Variants in EPHB2 observed in about 807,000 individuals in gnomAD.
EPHB2 encodes the protein EPH receptor B2.
In EPHB2, 18 loss-of-function variants were observed where a neutral mutation model predicts 96.4. That is an observed-to-expected ratio of 0.19 (90% CI 0.13 to 0.28). The LOEUF is 0.28. Among genes scored for constraint, EPHB2 ranks in the 10% least tolerant of loss-of-function variants. EPHB2 has a pLI of 1.00. For missense variants in EPHB2, 989 were observed against 1,355.4 expected, an observed-to-expected ratio of 0.73 and a Z score of 4.25; for synonymous variants, 506 against 534.1, an observed-to-expected ratio of 0.95 and a Z score of 0.72.
intron 1 of EPHB2, among the ~76,000 whole-genome samples, chr1:22,780,654 G>A (rs1644516154): frequency 6.6e-6 from 1 of 152,216 alleles, no homozygotes; most frequent in Admixed American, 6.5e-5. Flanking sequence ...AAGCTGAAAA[G>A]CAAACAGATC....
At chr1:22,810,528 A>G (rs1183907742) in intron 3 of EPHB2, among the ~76,000 whole-genome samples, 5 of 152,210 alleles carry the variant, frequency 3.3e-5, no homozygotes, top group African/African-American at 7.2e-5. Flanking sequence ...CAAAGAAGGC[A>G]CTAAACCAGA....
chr1:22,731,129 A>G (rs1278371858), intron 1 of EPHB2, among the ~76,000 whole-genome samples: 1 of 152,186 alleles, frequency 6.6e-6, no homozygotes, highest in African/African-American at 2.4e-5. Context: ...TTTGGCATGG[A>G]AACATATGTC....
chr1:22,743,552 C>A (rs1643929618), intron 1 of EPHB2, among the ~76,000 whole-genome samples: 1 of 152,142 alleles, frequency 6.6e-6, no homozygotes, highest in Non-Finnish European at 1.5e-5. Context: ...CTCACTGCAA[C>A]CTCCACCTCC....
In EPHB2 at chr1:22,913,931, A is replaced by T; in HGVS notation, c.*361A>T. On this transcript the variant is annotated 3_prime_UTR_variant, in exon 16 of 16. Transcript: ENST00000374630. The surrounding 1 kb of genome is among the most constrained non-coding windows in gnomAD (Gnocchi z 4.1). ...CGGAGACAAAAGCAGTTTCTCTCCAACTCCCTCTGGGAAGGTGACCTGGCC... is the reference window on the plus strand; with the variant it reads ...CGGAGACAAAAGCAGTTTCTCTCCATCTCCCTCTGGGAAGGTGACCTGGCC... 1 of 1,488,068 alleles carries T rather than the reference A, an allele frequency of 6.7e-7. No homozygotes were observed. Among genetic ancestry groups the T allele is most frequent in the Non-Finnish European group, 8.9e-7 (1 of 1,119,400 alleles). 92.2% of individuals were successfully genotyped at this position (1,488,068 alleles called of 1,614,324 possible). A position where few individuals can be genotyped will look rare whatever the true frequency, so the allele number is the denominator to read the frequency against.
At position 22,855,943 on chromosome 1, in the gene EPHB2, C is replaced by A. The variant is rs139400790; in HGVS notation, c.812-7094C>A. Among the ~76,000 whole-genome samples the A allele has an allele frequency of 4.0e-4, 61 of 152,298 alleles. 1 individual carries two copies. The highest frequency in any genetic ancestry group is 2.9e-5 in the Non-Finnish European group (2 of 68,028). On this transcript the variant is annotated intron_variant, in intron 3 of 15. Coordinates refer to ENST00000374630, the MANE Select transcript of EPHB2 (RefSeq NM_017449.5). ...ATTTCATCAGACCTCCTGCTCAGGT[C>A]TGGGGAGTAGGAACTCAACCCCAGG...
At chr1:22,813,230 CACAGG>C (rs1645027327) in intron 3 of EPHB2, among the ~76,000 whole-genome samples, 2 of 152,166 alleles carry the variant, frequency 1.3e-5, no homozygotes, top group Admixed American at 6.5e-5. Flanking sequence ...AGTAACTTGT[CACAGG>C]TCACACAGCT....
At chr1:22,783,025 G>T (rs1644557251) in intron 2 of EPHB2, among the ~76,000 whole-genome samples, 1 of 152,184 alleles carries the variant, frequency 6.6e-6, no homozygotes, top group South Asian at 2.1e-4. Context: ...GTCACATTTG[G>T]CAACTGGAGG....
intron 3 of EPHB2, among the ~76,000 whole-genome samples, chr1:22,856,330 T>C (rs1645698479): frequency 6.6e-6 from 1 of 152,162 alleles, no homozygotes; most frequent in Admixed American, 6.5e-5. Context: ...AGAAAATCTG[T>C]TTCCCTGTAA....
intron 1 of EPHB2, among the ~76,000 whole-genome samples, chr1:22,747,923 G>A (rs919884543): frequency 6.6e-6 from 1 of 152,192 alleles, no homozygotes; most frequent in Non-Finnish European, 1.5e-5. Context: ...TTCAGCACCT[G>A]AAGATAATAA....
rs551318537 is a variant in EPHB2, at chr1:22,748,602, G to A, written c.62-32819G>A. Among the ~76,000 whole-genome samples the A allele has an allele frequency of 2.2e-4, 33 of 151,322 alleles. 1 individual carries two copies. The highest frequency in any genetic ancestry group is 7.0e-4 in the African/African-American group (29 of 41,322). ...TCACCATGTTGGTCAGGCTGGTCTCGAACTCCTGACCTCATGATCTGCCCA... is the reference window on the plus strand; with the variant it reads ...TCACCATGTTGGTCAGGCTGGTCTCAAACTCCTGACCTCATGATCTGCCCA... On this transcript the variant is annotated intron_variant, in intron 1 of 15. Coordinates refer to ENST00000374630, the MANE Select transcript of EPHB2 (RefSeq NM_017449.5).
intron 1 of EPHB2, among the ~76,000 whole-genome samples, chr1:22,745,352 C>G (rs10917288): frequency 0.18 from 27,551 of 152,152 alleles, 3,340 homozygotes; most frequent in East Asian, 0.6. Flanking sequence ...CCAAACAATA[C>G]ATACCCGACT....
At chr1:22,908,439 T>C (rs372832329) in intron 12 of EPHB2, among the ~76,000 whole-genome samples, 2 of 152,312 alleles carry the variant, frequency 1.3e-5, no homozygotes, top group Non-Finnish European at 1.5e-5. Flanking sequence ...GAGGTTGATA[T>C]CTGAGCTGAG....
chr1:22,835,998 C>T (rs1645376946), intron 3 of EPHB2: 1 of 151,966 alleles, frequency 6.6e-6, no homozygotes, highest in Non-Finnish European at 1.5e-5. Context: ...TTGACACATC[C>T]ATCCCAGAAA....
chr1:22,905,614 C>T lies in EPHB2; in HGVS notation c.1766-373C>T, dbSNP rs371563227. 3.9e-5 allele frequency among the ~76,000 whole-genome samples: 6 copies of T among 152,340 alleles called. No individual in the cohort carries two copies. In the South Asian group the frequency reaches 1.0e-3, roughly 26 times the overall value. ...TCCTTTTTGCCCCCTTCTTCGTTTA[C>T]GTTGCACCCCTTGATTCTGTATCAC... On this transcript the variant is annotated intron_variant, in intron 9 of 15. Coordinates refer to ENST00000374630, the MANE Select transcript of EPHB2 (RefSeq NM_017449.5).
intron 5 of EPHB2, among the ~76,000 whole-genome samples, chr1:22,866,806 C>T (rs1004190727): frequency 3.3e-5 from 5 of 152,098 alleles, no homozygotes; most frequent in African/African-American, 1.2e-4. Flanking sequence ...TGGTCGCGGG[C>T]ACCTGTAATC....
intron 3 of EPHB2, among the ~76,000 whole-genome samples, chr1:22,815,313 C>A (rs1645059707): frequency 6.6e-6 from 1 of 152,160 alleles, no homozygotes; most frequent in South Asian, 2.1e-4. Context: ...CAAAGTGCAG[C>A]CCCACACAGC....
At chr1:22,811,292 A>C (rs752483176) in intron 3 of EPHB2, among the ~76,000 whole-genome samples, 2 of 152,154 alleles carry the variant, frequency 1.3e-5, no homozygotes, top group South Asian at 2.1e-4. Context: ...TGAACTCTGC[A>C]TTAGGTCCAG....
chr1:22,781,042 C>A (rs1427335100), intron 1 of EPHB2, among the ~76,000 whole-genome samples: 1 of 151,922 alleles, frequency 6.6e-6, no homozygotes, highest in South Asian at 2.1e-4. Context: ...AGGGTCTGGC[C>A]GGGCACGGTG....
At chr1:22,833,823 C>T (rs1206437528) in intron 3 of EPHB2, among the ~76,000 whole-genome samples, 2 of 152,098 alleles carry the variant, frequency 1.3e-5, no homozygotes, top group African/African-American at 4.8e-5. Flanking sequence ...AAAAACAGTA[C>T]AGCTCTATCT....
Sources: allele counts gnomAD v4.1 joint callset (sites outside exome capture counted in the v4.1 genomes callset), GRCh38; gene constraint gnomAD v4.1.1; non-coding constraint Gnocchi (gnomAD v3.1); transcripts MANE v1.5; gene names NCBI Gene and HGNC (gene_info 2026-07-23, HGNC 2026-07-21).